NDST4: variants seen among roughly 807,000 people sequenced by gnomAD.
The protein encoded by NDST4 is N-heparan sulfate sulfotransferase 4.
A neutral mutation model predicts 100.8 loss-of-function variants in NDST4; 63 were observed. That is an observed-to-expected ratio of 0.62 (90% CI 0.51 to 0.77). The LOEUF is 0.77. Among genes scored for constraint, NDST4 ranks in the 30% least tolerant of loss-of-function variants. The probability of loss-of-function intolerance (pLI) is 0.00; values close to 1 mark genes in which losing one functional copy is unlikely to be tolerated. For missense variants in NDST4, 943 were observed against 1,018.4 expected (o/e 0.93, Z 1.01); for synonymous variants, 377 against 361.8 (o/e 1.04, Z -0.48).
chr4:115,086,216 G>A (rs1172764875), intron 1 of NDST4, among the ~76,000 whole-genome samples: 2 of 151,980 alleles, frequency 1.3e-5, no homozygotes, highest in Non-Finnish European at 2.9e-5. Context: ...CACATGGTTG[G>A]TCCCATGGAA....
intron 2 of NDST4, among the ~76,000 whole-genome samples, chr4:115,024,754 A>G (rs1727943810): frequency 6.6e-6 from 1 of 151,082 alleles, no homozygotes; most frequent in Non-Finnish European, 1.5e-5. Context: ...GAGAATGATG[A>G]GTTTTGAGAG....
rs140221382 is a variant in NDST4, at chr4:114,988,952, C to A, written c.979-11678G>T. Among the ~76,000 whole-genome samples the A allele has an allele frequency of 5.5e-3, 843 of 152,210 alleles. 10 individuals carry two copies. The highest frequency in any genetic ancestry group is 0.019 in the African/African-American group (808 of 41,536). On this transcript the variant is annotated intron_variant, in intron 2 of 13. Transcript: ENST00000264363. ...GCAAAATATTTTAAGATGGATTTTT[C>A]TTTACTTGGCAGATAAATCTTTTTC...
At chr4:115,001,912 C>A (rs556106641) in intron 2 of NDST4, among the ~76,000 whole-genome samples, 13 of 152,278 alleles carry the variant, frequency 8.5e-5, no homozygotes, top group African/African-American at 2.9e-4. Flanking sequence ...AGAGCCCAGG[C>A]AGAGTGAGGT....
At chr4:114,933,596 A>G (rs906602065) in intron 6 of NDST4, among the ~76,000 whole-genome samples, 4 of 151,660 alleles carry the variant, frequency 2.6e-5, no homozygotes, top group Non-Finnish European at 5.9e-5. Context: ...AATATTTAAA[A>G]CCATATATCT....
intron 4 of NDST4, among the ~76,000 whole-genome samples, chr4:114,963,884 T>A (rs1419672196): frequency 6.6e-6 from 1 of 152,166 alleles, no homozygotes; most frequent in South Asian, 2.1e-4. Flanking sequence ...TTATTTCTAG[T>A]TAGATGTGAT....
chr4:114,931,270 T>G (rs1248836985), intron 6 of NDST4, among the ~76,000 whole-genome samples: 1 of 151,724 alleles, frequency 6.6e-6, no homozygotes, highest in Non-Finnish European at 1.5e-5. Context: ...TTGACTACCA[T>G]AAGAGAAACA....
intron 6 of NDST4, among the ~76,000 whole-genome samples, chr4:114,896,787 C>T (rs1377424670): frequency 2.0e-5 from 3 of 152,082 alleles, no homozygotes; most frequent in African/African-American, 7.2e-5. Context: ...ATTTTAGTAT[C>T]ACTATACTTG....
intron 1 of NDST4, among the ~76,000 whole-genome samples, chr4:115,109,744 T>C (rs1472319437): frequency 3.3e-5 from 5 of 151,946 alleles, no homozygotes; most frequent in Non-Finnish European, 7.4e-5. Context: ...AAAAGATATA[T>C]CTAAAATAGC....
chr4:115,100,922 G>A (rs993404450), intron 1 of NDST4, among the ~76,000 whole-genome samples: 2 of 151,740 alleles, frequency 1.3e-5, no homozygotes, highest in East Asian at 1.9e-4. Context: ...AGTAAAAAGC[G>A]TGGATGGTTA....
In NDST4 at chr4:115,008,236, A is replaced by T. The variant is rs1278490819; in HGVS notation, c.979-30962T>A. Among the ~76,000 whole-genome samples, 5 of 129,404 alleles carry T rather than the reference A, an allele frequency of 3.9e-5. 1 individual carries two copies. The Admixed American group carries it at 3.9e-4, about 10-fold the overall frequency. The allele number at this position is 129,404 out of a possible 152,430, so 84.9% of individuals were successfully genotyped here. The stretch of plus-strand genomic sequence containing the variant: ...GTTAATACTGTTATGTGTGAATTTG[A>T]TCCTGTCATTATGATGTTAGCTGGT... On this transcript the variant is annotated intron_variant, in intron 2 of 13. Coordinates refer to ENST00000264363, the MANE Select transcript of NDST4 (RefSeq NM_022569.3).
At chr4:115,027,858 A>G (rs1728022503) in intron 2 of NDST4, among the ~76,000 whole-genome samples, 1 of 152,220 alleles carries the variant, frequency 6.6e-6, no homozygotes, top group East Asian at 1.9e-4. Flanking sequence ...GTTTGAAACC[A>G]GCCTGACCAA....
At chr4:114,972,269 T>C (rs1330585750) in intron 3 of NDST4, among the ~76,000 whole-genome samples, 1 of 152,000 alleles carries the variant, frequency 6.6e-6, no homozygotes, top group East Asian at 1.9e-4. Flanking sequence ...CCAAAGTATA[T>C]AGCAACTTCT....
chr4:114,976,371 C>T (rs1239792127), intron 3 of NDST4, among the ~76,000 whole-genome samples: 4 of 152,020 alleles, frequency 2.6e-5, no homozygotes, highest in African/African-American at 7.2e-5. Flanking sequence ...CTAACACAGG[C>T]CCCAACACAT....
At chr4:114,977,406 T>G (rs1042000841) in intron 2 of NDST4, 132 bp from the exon 3 acceptor site, 4 of 504,316 alleles carry the variant, frequency 7.9e-6, no homozygotes, top group African/African-American at 4.0e-5. Flanking sequence ...GGTACTGTTA[T>G]GTAGTATTCG....
chr4:114,920,871 G>T (rs924188924), intron 6 of NDST4, among the ~76,000 whole-genome samples: 2 of 152,016 alleles, frequency 1.3e-5, no homozygotes, highest in African/African-American at 4.8e-5. Flanking sequence ...CAATCTAAAG[G>T]TTTCTATTTG....
chr4:115,029,192 G>A (rs551931797), intron 2 of NDST4, among the ~76,000 whole-genome samples: 4 of 152,158 alleles, frequency 2.6e-5, no homozygotes, highest in African/African-American at 9.6e-5. Context: ...AAGAACAGCT[G>A]CAACCAGAAA....
intron 2 of NDST4, among the ~76,000 whole-genome samples, chr4:115,033,161 T>TC (rs1728158891): frequency 7.3e-6 from 1 of 137,158 alleles, no homozygotes; most frequent in African/African-American, 3.1e-5. Context: ...ATATATATTT[T>TC]TTTTTTTTTT....
At chr4:114,991,206 T>A (rs973325407) in intron 2 of NDST4, among the ~76,000 whole-genome samples, 1 of 152,008 alleles carries the variant, frequency 6.6e-6, no homozygotes, top group Non-Finnish European at 1.5e-5. Context: ...ATGGTGCACT[T>A]ATTTAAGACA....
At position 114,980,069 on chromosome 4, in the gene NDST4, T is replaced by A. The variant is rs150073665; in HGVS notation, c.979-2795A>T. Among the ~76,000 whole-genome samples the A allele has an allele frequency of 3.9e-3, 594 of 151,834 alleles. 8 individuals carry two copies. Among genetic ancestry groups the A allele is most frequent in the East Asian group, 0.038 (197 of 5,158 alleles). ...AAACCATACAAATTCAGAAGAAAAG[T>A]AGAAAGATGAAAGAATTCCAATATA... On this transcript the variant is annotated intron_variant, in intron 2 of 13. Transcript: ENST00000264363.
Sources: allele counts gnomAD v4.1 joint callset (sites outside exome capture counted in the v4.1 genomes callset), GRCh38; gene constraint gnomAD v4.1.1; transcripts MANE v1.5; gene names NCBI Gene and HGNC (gene_info 2026-07-23, HGNC 2026-07-21).